The following ZNF805 variants were observed in gnomAD, a reference collection of about 807,000 sequenced individuals.
ZNF805 encodes the protein zinc finger protein 805.
In ZNF805, 7 loss-of-function variants were observed where a neutral mutation model predicts 13.6. That is an observed-to-expected ratio of 0.51 (90% CI 0.29 to 0.97). ZNF805 has a LOEUF of 0.97. Among genes scored for constraint, ZNF805 ranks in the 50% least tolerant of loss-of-function variants. ZNF805 has a pLI of 0.08. For synonymous variants in ZNF805, 293 were observed against 279.8 expected (o/e 1.05, Z -0.47); for missense variants, 604 against 771.0 (o/e 0.78, Z 2.57).
At chr19:57,250,884 G>A (rs934021098) in intron 3 of ZNF805, among the ~76,000 whole-genome samples, 5 of 152,064 alleles carry the variant, frequency 3.3e-5, no homozygotes, top group African/African-American at 4.8e-5. Context: ...TATATTATAC[G>A]TTTTCATGGA....
In ZNF805 at chr19:57,243,974, G is replaced by A. The variant is rs2087595457; in HGVS notation, c.82G>A (p.Gly28Ser). ...TGTGACTTTCACCCAGGAGGAGTGGGGCCAGCTGGACCTAGCTCAGCGGAC... is the reference window on the plus strand; with the variant it reads ...TGTGACTTTCACCCAGGAGGAGTGGAGCCAGCTGGACCTAGCTCAGCGGAC... ...VAVTFTQEEWGQLDLAQRTLY... is the reference protein window; with the variant it reads ...VAVTFTQEEWSQLDLAQRTLY... Residue 28 changes from glycine (G) to serine (S), a missense_variant, in exon 2 of 4, where the codon GGC becomes AGC. By Grantham distance (56) the Gly-to-Ser change is moderately conservative. This residue lies in a region of ZNF805 where 327 missense variants were observed against 378.2 expected (regional missense o/e 0.86). Transcript: ENST00000414468. 1 of 1,614,090 alleles carries A rather than the reference G, an allele frequency of 6.2e-7. No homozygotes were observed. The highest frequency in any genetic ancestry group is 1.3e-5 in the African/African-American group (1 of 75,018).
In ZNF805 at chr19:57,257,698, C is replaced by CTTTTTTTTT. The variant is rs869290620; in HGVS notation, c.*3012_*3020dup. 2.9e-5 allele frequency among the ~76,000 whole-genome samples: 1 copy of CTTTTTTTTT among 35,060 alleles called. No individual in the cohort carries two copies. Among genetic ancestry groups the CTTTTTTTTT allele is most frequent in the African/African-American group, 1.3e-4 (1 of 7,900 alleles). 23.0% of individuals were successfully genotyped at this position (35,060 alleles called of 152,430 possible). A position where few individuals can be genotyped will look rare whatever the true frequency, so the allele number is the denominator to read the frequency against. On this transcript the variant is annotated 3_prime_UTR_variant, in exon 4 of 4. Coordinates refer to ENST00000414468, the MANE Select transcript of ZNF805 (RefSeq NM_001023563.4). ...GTGGTTTTATATCCAGTTTGCGTATCTTTTTTTTTTTTTTTTTTTTTTTTT... is the reference window on the plus strand; with the variant it reads ...GTGGTTTTATATCCAGTTTGCGTATCTTTTTTTTTTTTTTTTTTTTTTTTTTTTTTTTTT...
intron 2 of ZNF805, among the ~76,000 whole-genome samples, chr19:57,246,844 G>C (rs1205919719): frequency 6.6e-6 from 1 of 151,942 alleles, no homozygotes; most frequent in Admixed American, 6.6e-5. Flanking sequence ...GGTGTCTCAG[G>C]CCTGTTCCAG....
chr19:57,258,427 G>T lies in ZNF805; in HGVS notation c.*3724G>T, dbSNP rs1600000767. The stretch of plus-strand genomic sequence containing the variant: ...TGTGTTTCCTGTTGCTTCTTTCTTG[G>T]TTTGTTTGGGTTTTTTTTTTTTTGT... On this transcript the variant is annotated 3_prime_UTR_variant, in exon 4 of 4. Coordinates refer to ENST00000414468, the MANE Select transcript of ZNF805 (RefSeq NM_001023563.4). Among the ~76,000 whole-genome samples the T allele has an allele frequency of 1.0e-5, 1 of 97,960 alleles. No homozygotes were observed. Among genetic ancestry groups the T allele is most frequent in the Non-Finnish European group, 2.1e-5 (1 of 47,834 alleles). 64.3% of individuals were successfully genotyped at this position (97,960 alleles called of 152,430 possible). A position where few individuals can be genotyped will look rare whatever the true frequency, so the allele number is the denominator to read the frequency against.
At position 57,253,933 on chromosome 19, in the gene ZNF805, G is replaced by C; in HGVS notation, c.1114G>C (p.Glu372Gln). 6.2e-7 allele frequency: 1 copy of C among 1,614,146 alleles called. No individual in the cohort carries two copies. Among genetic ancestry groups the C allele is most frequent in the Non-Finnish European group, 8.5e-7 (1 of 1,180,022 alleles). ...GACTCATACCGGGGAGAAGCCCTAT[G>C]AGTGCAGTGAATGTGGGAAGGCCTT... is the stretch of plus-strand genomic sequence containing the variant. ...QQTHTGEKPY[E>Q]CSECGKAFCE... The change falls in exon 4 of 4, where the codon GAG becomes CAG. Residue 372 changes from glutamate to glutamine, a missense_variant. This residue lies in a region of ZNF805 where 228 missense variants were observed against 352.8 expected (regional missense o/e 0.65). Coordinates refer to ENST00000414468, the MANE Select transcript of ZNF805 (RefSeq NM_001023563.4). This position sits in a 1 kb window ranked among gnomAD's most constrained non-coding sequence, Gnocchi z 4.4.
rs775759070 is a variant in ZNF805 at position 57,254,540 on chromosome 19, G to T, written c.1721G>T (p.Arg574Ile). Residue 574 changes from arginine (R) to isoleucine (I), a missense_variant, in exon 4 of 4, where the codon AGA (arginine) becomes ATA (isoleucine). Physicochemically the swap from Arg to Ile is moderately conservative, Grantham distance 97. Around this residue, in one of 3 missense-constraint regions of ZNF805, gnomAD observed 228 missense variants for 352.8 expected, o/e 0.65. Coordinates refer to ENST00000414468, the MANE Select transcript of ZNF805 (RefSeq NM_001023563.4). ...CCTATCAGTGTAACAGATGTGGGAAGACCTTTTACAAGTGGGCAGACCTCA... is the reference window on the plus strand; with the variant it reads ...CCTATCAGTGTAACAGATGTGGGAATACCTTTTACAAGTGGGCAGACCTCA... ...RNPISVTDVG[R>I]PFTSGQTSVN... 41 of 1,614,066 alleles carry T rather than the reference G, an allele frequency of 2.5e-5. No homozygotes were observed. In the Middle Eastern group the frequency reaches 6.6e-4, roughly 26 times the overall value.
chr19:57,254,770 G>C lies in ZNF805; in HGVS notation c.*67G>C. The C allele has an allele frequency of 6.7e-7, 1 of 1,483,734 alleles. No individual in the cohort carries two copies. Among genetic ancestry groups the C allele is most frequent in the African/African-American group, 1.4e-5 (1 of 70,784 alleles). 91.9% of individuals were successfully genotyped at this position (1,483,734 alleles called of 1,614,324 possible). A position where few individuals can be genotyped will look rare whatever the true frequency, so the allele number is the denominator to read the frequency against. On this transcript the variant is annotated 3_prime_UTR_variant, in exon 4 of 4. Coordinates refer to ENST00000414468, the MANE Select transcript of ZNF805 (RefSeq NM_001023563.4). Reference sequence around the variant, plus strand: ...TCATATTAGAAAATCACGCAGCTTAGAGCCTTATTCTCCATCCGAATTCAT... The same window carrying C: ...TCATATTAGAAAATCACGCAGCTTACAGCCTTATTCTCCATCCGAATTCAT...
rs1335441338 is a variant in ZNF805 at position 57,253,241 on chromosome 19, C to T, written c.422C>T (p.Pro141Leu). 2 of 1,557,272 alleles carry T rather than the reference C, an allele frequency of 1.3e-6. No homozygotes were observed. Among genetic ancestry groups the T allele is most frequent in the East Asian group, 4.8e-5 (2 of 41,966 alleles). Residue 141 changes from proline to leucine, a missense_variant, in exon 4 of 4, where the codon CCA (proline) becomes CTA (leucine). By Grantham distance (98) the Pro-to-Leu change is moderately conservative. Transcript: ENST00000414468. The surrounding 1 kb of genome is among the most constrained non-coding windows in gnomAD (Gnocchi z 4.4). ...FSEMQGERLRPGLDSQKEKLP... is the reference protein window; with the variant it reads ...FSEMQGERLRLGLDSQKEKLP... ...GAAATGCAGGGAGAACGCTTGAGAC[C>T]AGGGTTAGATTCCCAAAAGGAGAAG...
chr19:57,251,822 G>T (rs1223572369), intron 3 of ZNF805, among the ~76,000 whole-genome samples: 1 of 152,138 alleles, frequency 6.6e-6, no homozygotes. Flanking sequence ...TCCATTCCCC[G>T]TGTTGGTAGC....
chr19:57,250,179 G>A (rs543588830), intron 3 of ZNF805, among the ~76,000 whole-genome samples: 2 of 152,192 alleles, frequency 1.3e-5, no homozygotes, highest in East Asian at 1.9e-4. Flanking sequence ...TCGATTTCAC[G>A]TCATGCATGC....
At chr19:57,241,053 C>CGTCACTTAGTTTATCTCCT in intron 1 of ZNF805, 132 bp downstream of exon 1, 2 of 1,014,718 alleles carry the variant, frequency 2.0e-6, no homozygotes, top group Admixed American at 4.6e-5. Context: ...GGAGCAGGCT[C>CGTCACTTAGTTTATCTCCT]GTCACTTAGT....
chr19:57,244,199 CTTTTTTT>C, intron 2 of ZNF805, 150 bp downstream of exon 2: 46 of 290,876 alleles, frequency 1.6e-4, no homozygotes, highest in Middle Eastern at 9.5e-4. Context: ...TCACCTCTTC[CTTTTTTT>C]TTTTTTTTTT....
chr19:57,249,645 T>TA (rs1189089140), intron 3 of ZNF805, among the ~76,000 whole-genome samples: 2 of 151,976 alleles, frequency 1.3e-5, no homozygotes, highest in Non-Finnish European at 2.9e-5. Flanking sequence ...TCTTTCCACT[T>TA]ATATTCTGCC....
In ZNF805 at chr19:57,253,652, A is replaced by G; in HGVS notation, c.833A>G (p.Gln278Arg). ...CGGAAGTCACACCTTACCCAGCACC[A>G]GCGGATTCACAGTGGAGAGAAGCCT... ...FNRKSHLTQHQRIHSGEKPYK... is the reference protein window; with the variant it reads ...FNRKSHLTQHRRIHSGEKPYK... The change falls in exon 4 of 4, where the codon CAG (glutamine) becomes CGG (arginine). Residue 278 changes from glutamine (Q) to arginine (R), a missense_variant. This residue lies in a region of ZNF805 where 327 missense variants were observed against 378.2 expected (regional missense o/e 0.86). Coordinates refer to ENST00000414468, the MANE Select transcript of ZNF805 (RefSeq NM_001023563.4). This position sits in a 1 kb window ranked among gnomAD's most constrained non-coding sequence, Gnocchi z 4.4. The G allele has an allele frequency of 6.2e-7, 1 of 1,614,060 alleles. No individual in the cohort carries two copies. The highest frequency in any genetic ancestry group is 8.5e-7 in the Non-Finnish European group (1 of 1,180,006).
Position 57,262,456 on chromosome 19 carries a change from C to CCT in ZNF805, c.*7756_*7757dup, listed in dbSNP as rs2087730572. 3 of 167,072 alleles carry CCT rather than the reference C, an allele frequency of 1.8e-5. No homozygotes were observed. The East Asian group carries it at 5.8e-4, about 32-fold the overall frequency. The allele number at this position is 167,072 out of a possible 1,614,324, so 10.3% of individuals were successfully genotyped here. A position where few individuals can be genotyped will look rare whatever the true frequency, so the allele number is the denominator to read the frequency against. ...GGAAGTCTTGTGAGAAAGGATCTTG[C>CCT]CTCTGCCTAGTATCTTTCACAGATA... is the stretch of plus-strand genomic sequence containing the variant. On this transcript the variant is annotated 3_prime_UTR_variant, in exon 4 of 4. Transcript: ENST00000414468.
At chr19:57,249,009 A>G (rs747179597) in intron 3 of ZNF805, among the ~76,000 whole-genome samples, 4 of 152,172 alleles carry the variant, frequency 2.6e-5, no homozygotes, top group African/African-American at 4.8e-5. Context: ...GGCTAAGTTA[A>G]TACCAACTGC....
At position 57,259,254 on chromosome 19, in the gene ZNF805, C is replaced by G. The variant is rs1008264504; in HGVS notation, c.*4551C>G. On this transcript the variant is annotated 3_prime_UTR_variant, in exon 4 of 4. Transcript: ENST00000414468. ...TTCTTGAAATATTTTTTCATCCCTA[C>G]TCTTTCTCCTCTCTGTGATATGAAT... 6.6e-6 allele frequency among the ~76,000 whole-genome samples: 1 copy of G among 152,034 alleles called. No homozygotes were observed. The highest frequency in any genetic ancestry group is 1.5e-5 in the Non-Finnish European group (1 of 68,020).
chr19:57,253,519 A>G lies in ZNF805; in HGVS notation c.700A>G (p.Thr234Ala). 1 of 1,611,870 alleles carries G rather than the reference A, an allele frequency of 6.2e-7. No homozygotes were observed. The highest frequency in any genetic ancestry group is 8.5e-7 in the Non-Finnish European group (1 of 1,178,814). The change falls in exon 4 of 4, where the codon ACA becomes GCA. Residue 234 changes from threonine to alanine, a missense_variant. By Grantham distance (58) the Thr-to-Ala change is moderately conservative. Transcript: ENST00000414468. The surrounding 1 kb of genome is among the most constrained non-coding windows in gnomAD (Gnocchi z 4.4). ...CTCTGGAGTGAAGCCCTATGAATGC[A>G]CAGAGTGTGGAAAAACCTTTAGCAA... Reference protein sequence around the residue: ...IHSGVKPYECTECGKTFSKST... With the variant: ...IHSGVKPYECAECGKTFSKST...
At chr19:57,245,757 C>G (rs188319916) in intron 2 of ZNF805, among the ~76,000 whole-genome samples, 1 of 149,944 alleles carries the variant, frequency 6.7e-6, no homozygotes, top group Non-Finnish European at 1.5e-5. Flanking sequence ...CCAGCCTGGG[C>G]GACAGAGCGA....
Sources: gnomAD v4.1 joint callset for allele counts (sites outside exome capture counted in the v4.1 genomes callset) on GRCh38, gnomAD v4.1.1 for gene constraint, gnomAD v4.1.1 regional missense constraint, Gnocchi (gnomAD v3.1) non-coding constraint, MANE v1.5 for transcripts, NCBI Gene and HGNC (gene_info 2026-07-23, HGNC 2026-07-21) for gene names.